Variants in CNOT6L observed in about 807,000 individuals in gnomAD.
CNOT6L encodes the protein CCR4-NOT transcription complex subunit 6 like.
In CNOT6L, 7 loss-of-function variants were observed where a neutral mutation model predicts 64.0. The observed-to-expected ratio is 0.11, with a 90% CI of 0.06 to 0.21. The LOEUF is 0.21. Among genes scored for constraint, CNOT6L ranks in the 10% least tolerant of loss-of-function variants. The pLI, the probability that CNOT6L is intolerant of heterozygous loss-of-function variation, is 1.00. For missense variants in CNOT6L, 245 were observed against 669.0 expected (o/e 0.37, Z 6.99); for synonymous variants, 193 against 243.4 (o/e 0.79, Z 1.93).
intron 1 of CNOT6L, among the ~76,000 whole-genome samples, chr4:77,800,328 C>A (rs1731376966): frequency 6.6e-6 from 1 of 151,834 alleles, no homozygotes; most frequent in Non-Finnish European, 1.5e-5. Context: ...ATAGTGAGAC[C>A]CTAACTCTAC....
chr4:77,793,579 T>C lies in CNOT6L; in HGVS notation c.6-17187A>G, dbSNP rs142723010. ...TACATCATGCTGCCCCCGTCTCTTATGATGGACTTGGAAAACTCTGAGGAC... is the reference window on the plus strand; with the variant it reads ...TACATCATGCTGCCCCCGTCTCTTACGATGGACTTGGAAAACTCTGAGGAC... On this transcript the variant is annotated intron_variant, in intron 1 of 11. Coordinates refer to ENST00000504123, the MANE Select transcript of CNOT6L (RefSeq NM_144571.3). Among the ~76,000 whole-genome samples, 144 of 151,980 alleles carry C rather than the reference T, an allele frequency of 9.5e-4. 2 individuals carry two copies. The East Asian group carries it at 0.021, about 22-fold the overall frequency.
intron 1 of CNOT6L, among the ~76,000 whole-genome samples, chr4:77,788,737 A>G (rs1162892712): frequency 6.6e-6 from 1 of 152,044 alleles, no homozygotes; most frequent in Non-Finnish European, 1.5e-5. Flanking sequence ...CAAAAAAGTA[A>G]TAATAAATAA....
intron 11 of CNOT6L, among the ~76,000 whole-genome samples, chr4:77,725,495 C>T (rs1158015116): frequency 6.6e-6 from 1 of 152,184 alleles, no homozygotes; most frequent in East Asian, 1.9e-4. Flanking sequence ...TTACATAAAG[C>T]CACCACAATC....
intron 11 of CNOT6L, among the ~76,000 whole-genome samples, chr4:77,721,877 C>G (rs1230359238): frequency 6.6e-6 from 1 of 151,994 alleles, no homozygotes; most frequent in South Asian, 2.1e-4. Flanking sequence ...AAGGCTGAGG[C>G]AGGAGGCTCA....
intron 4 of CNOT6L, among the ~76,000 whole-genome samples, chr4:77,770,236 G>C (rs1577967280): frequency 6.6e-6 from 1 of 152,050 alleles, no homozygotes; most frequent in Admixed American, 6.6e-5. Flanking sequence ...AGTTTCAAAG[G>C]AGGAAAAGGA....
rs1186094702 is a variant in CNOT6L at position 77,717,442 on chromosome 4, T to TAACA, written c.*2985_*2988dup. 1 of 152,496 alleles carries TAACA rather than the reference T, an allele frequency of 6.6e-6. No individual in the cohort carries two copies. The highest frequency in any genetic ancestry group is 2.4e-5 in the African/African-American group (1 of 41,420). 9.4% of individuals were successfully genotyped at this position (152,496 alleles called of 1,614,324 possible). ...CTTAGACAAATATCGAAATAATATT[T>TAACA]AACAGTTTTAAAAAAACATGTATCA... On this transcript the variant is annotated 3_prime_UTR_variant, in exon 12 of 12. Coordinates refer to ENST00000504123, the MANE Select transcript of CNOT6L (RefSeq NM_144571.3).
At chr4:77,808,591 T>C (rs1259685747) in intron 1 of CNOT6L, among the ~76,000 whole-genome samples, 2 of 151,894 alleles carry the variant, frequency 1.3e-5, no homozygotes, top group East Asian at 1.9e-4. Flanking sequence ...ATTTAAGCAA[T>C]GTGGGATGAA....
Position 77,718,155 on chromosome 4 carries a change from A to T in CNOT6L, c.*2276T>A, listed in dbSNP as rs1720940133. 1 of 152,528 alleles carries T rather than the reference A, an allele frequency of 6.6e-6. No homozygotes were observed. The highest frequency in any genetic ancestry group is 2.4e-5 in the African/African-American group (1 of 41,428). The allele number at this position is 152,528 out of a possible 1,614,324, so 9.4% of individuals were successfully genotyped here. ...ACTTTAAATTCCATTTTATACAAAC[A>T]TCTCAAAAAATATTGGGAGTGAAGT... On this transcript the variant is annotated 3_prime_UTR_variant, in exon 12 of 12. Transcript: ENST00000504123.
At chr4:77,743,046 G>A (rs1168864532) in intron 7 of CNOT6L, among the ~76,000 whole-genome samples, 1 of 151,896 alleles carries the variant, frequency 6.6e-6, no homozygotes, top group Non-Finnish European at 1.5e-5. Context: ...TTAGTAACAT[G>A]GAAAATCCAT....
rs35634501 is a variant in CNOT6L at position 77,783,150 on chromosome 4, C to CAAAAAAAA, written c.6-6766_6-6759dup. On this transcript the variant is annotated intron_variant, in intron 1 of 11. Transcript: ENST00000504123. ...TGACATCTCCAGCTCTGTGACCACTCAAAAAAAAAAAAAAAAAAAACACAT... is the reference window on the plus strand; with the variant it reads ...TGACATCTCCAGCTCTGTGACCACTCAAAAAAAAAAAAAAAAAAAAAAAAAAAACACAT... Among the ~76,000 whole-genome samples, 3 of 102,142 alleles carry CAAAAAAAA rather than the reference C, an allele frequency of 2.9e-5. 1 individual carries two copies. The highest frequency in any genetic ancestry group is 5.6e-5 in the Non-Finnish European group (3 of 53,366). The allele number at this position is 102,142 out of a possible 152,430, so 67.0% of individuals were successfully genotyped here.
At chr4:77,766,755 G>GA (rs1430028935) in intron 4 of CNOT6L, among the ~76,000 whole-genome samples, 2 of 150,204 alleles carry the variant, frequency 1.3e-5, no homozygotes, top group Non-Finnish European at 3.0e-5. Context: ...AAAAAAAGAA[G>GA]AAAAAACCTT....
chr4:77,754,429 C>T (rs780724407), intron 5 of CNOT6L, among the ~76,000 whole-genome samples: 20 of 152,090 alleles, frequency 1.3e-4, no homozygotes, highest in Non-Finnish European at 2.2e-4. Context: ...TTATAAAAAG[C>T]GTAACAAATA....
chr4:77,747,050 AAAG>A (rs1034770325), intron 6 of CNOT6L, among the ~76,000 whole-genome samples: 2 of 152,108 alleles, frequency 1.3e-5, no homozygotes, highest in African/African-American at 4.8e-5. Flanking sequence ...TAAAAAAAAA[AAAG>A]ACTTGTTCTG....
chr4:77,721,583 AAAC>A (rs1240443291), intron 11 of CNOT6L, among the ~76,000 whole-genome samples: 2 of 152,334 alleles, frequency 1.3e-5, no homozygotes, highest in East Asian at 3.9e-4. Context: ...CTTTTAATGA[AAAC>A]AAATTTTTTT....
intron 1 of CNOT6L, among the ~76,000 whole-genome samples, chr4:77,807,930 A>G (rs1469702379): frequency 6.6e-6 from 1 of 152,192 alleles, no homozygotes. Flanking sequence ...GATTGTTACA[A>G]GAAGAAATGA....
At chr4:77,750,362 G>GT (rs147148309) in intron 5 of CNOT6L, among the ~76,000 whole-genome samples, 7,274 of 150,818 alleles carry the variant, frequency 0.048, 196 homozygotes, top group Middle Eastern at 0.079. Flanking sequence ...AAGTCAGTTT[G>GT]TTTTTTTTTG....
chr4:77,780,578 A>G (rs1228480812), intron 1 of CNOT6L, among the ~76,000 whole-genome samples: 2 of 152,166 alleles, frequency 1.3e-5, no homozygotes, highest in Non-Finnish European at 2.9e-5. Context: ...TGTCTCCTAC[A>G]AAGGCCTCAG....
intron 3 of CNOT6L, 100 bp from the exon 4 acceptor site, chr4:77,773,266 T>A: frequency 1.5e-6 from 1 of 678,334 alleles, no homozygotes; most frequent in South Asian, 2.2e-5. Flanking sequence ...TATGAGTGAT[T>A]GTTTATATTC....
chr4:77,770,266 C>A (rs1577967300), intron 4 of CNOT6L, among the ~76,000 whole-genome samples: 1 of 152,246 alleles, frequency 6.6e-6, no homozygotes, highest in South Asian at 2.1e-4. Flanking sequence ...AAAAAATCTT[C>A]CAGTTTCAAG....
Sources: gnomAD v4.1 joint callset for allele counts (sites outside exome capture counted in the v4.1 genomes callset) on GRCh38, gnomAD v4.1.1 for gene constraint, MANE v1.5 for transcripts, NCBI Gene and HGNC (gene_info 2026-07-23, HGNC 2026-07-21) for gene names.